Variants in OTUD7B observed in about 807,000 individuals in gnomAD.
The protein encoded by OTUD7B is OTU domain-containing protein 7B.
OTUD7B carries 34 observed loss-of-function variants against 82.2 expected under a neutral mutation model. That is an observed-to-expected ratio of 0.41 (90% CI 0.31 to 0.55). The LOEUF (loss-of-function observed/expected upper bound fraction) is 0.55, where lower values mean the gene tolerates loss of function less well. OTUD7B is among the 20% of genes least tolerant of loss of function. The probability of loss-of-function intolerance (pLI) is 0.20; values close to 1 mark genes in which losing one functional copy is unlikely to be tolerated. For synonymous variants in OTUD7B, 398 were observed against 402.7 expected (o/e 0.99, Z 0.14); for missense variants, 944 against 1,062.1 (o/e 0.89, Z 1.55).
intron 9 of OTUD7B, among the ~76,000 whole-genome samples, 193 bp from the exon 10 acceptor site, chr1:149,949,276 A>G (rs1553772799): frequency 6.6e-6 from 1 of 152,220 alleles, no homozygotes; most frequent in East Asian, 1.9e-4. Context: ...TTTAGGCCAC[A>G]AATCTCCCTG....
intron 1 of OTUD7B, among the ~76,000 whole-genome samples, chr1:149,981,621 C>A (rs1650737221): frequency 6.6e-6 from 1 of 152,034 alleles, no homozygotes; most frequent in Admixed American, 6.6e-5. Flanking sequence ...CAAACAGTGG[C>A]CTTATTTTAC....
At chr1:149,948,920 T>C in intron 10 of OTUD7B, 49 bp downstream of exon 10, 1 of 1,223,304 alleles carries the variant, frequency 8.2e-7, no homozygotes, top group South Asian at 1.2e-5. Context: ...ATGCCACATG[T>C]GGAAGAAATC....
chr1:150,004,184 T>C (rs1293709867), intron 1 of OTUD7B, among the ~76,000 whole-genome samples: 1 of 152,114 alleles, frequency 6.6e-6, no homozygotes, highest in East Asian at 1.9e-4. Context: ...ACACCCCCAG[T>C]GTCAATCTCC....
At chr1:150,004,842 T>C (rs1461697946) in intron 1 of OTUD7B, among the ~76,000 whole-genome samples, 1 of 152,084 alleles carries the variant, frequency 6.6e-6, no homozygotes, top group African/African-American at 2.4e-5. Flanking sequence ...TTGTACCTAA[T>C]ACAATAACAC....
chr1:150,018,853 T>C, the OTUD7B span, among the ~76,000 whole-genome samples: 3 of 152,166 alleles, frequency 2.0e-5, no homozygotes, highest in African/African-American at 7.2e-5. Context: ...CCTACAAGAC[T>C]TTCCTTTCCT....
At chr1:149,988,572 G>T (rs1651351521) in intron 1 of OTUD7B, among the ~76,000 whole-genome samples, 1 of 152,186 alleles carries the variant, frequency 6.6e-6, no homozygotes, top group Non-Finnish European at 1.5e-5. Flanking sequence ...TAATTTGGAA[G>T]ACTTGCAAAA....
chr1:150,015,290 C>CTTTTTTTTTTTTTTTTTTTT (rs60374988), upstream of OTUD7B, among the ~76,000 whole-genome samples: 33 of 128,962 alleles, frequency 2.6e-4, no homozygotes, highest in South Asian at 4.6e-4. Context: ...TTTTCTTTCT[C>CTTTTTTTTTTTTTTTTTTTT]TTTTTTTTTT....
At position 149,948,525 on chromosome 1, in the gene OTUD7B, C is replaced by G. The variant is rs1216019764; in HGVS notation, c.1238+444G>C. Among the ~76,000 whole-genome samples, 3 of 152,052 alleles carry G rather than the reference C, an allele frequency of 2.0e-5. No homozygotes were observed. In the East Asian group the frequency reaches 5.8e-4, roughly 29 times the overall value. ...TAGTTGGGATTACAGGCACGCACCA[C>G]CACGCCTGGCTAATTTTTGTATTTT... On this transcript the variant is annotated intron_variant, in intron 10 of 11. Transcript: ENST00000581312.
intron 11 of OTUD7B, among the ~76,000 whole-genome samples, chr1:149,945,762 T>C (rs1647667280): frequency 6.6e-6 from 1 of 152,114 alleles, no homozygotes; most frequent in African/African-American, 2.4e-5. Flanking sequence ...AGAAAACCTT[T>C]CTTAAAGAAT....
chr1:149,949,058 C>T lies in OTUD7B; in HGVS notation c.1149G>A (p.Glu383=). 6.2e-7 allele frequency: 1 copy of T among 1,613,008 alleles called. No individual in the cohort carries two copies. The highest frequency in any genetic ancestry group is 8.5e-7 in the Non-Finnish European group (1 of 1,178,942). The change falls in exon 10 of 12, where the codon GAG becomes GAA. Residue 383 remains glutamate (E), a synonymous_variant. Coordinates refer to ENST00000581312, the MANE Select transcript of OTUD7B (RefSeq NM_020205.4). ...EQAVIPLTDS[E]YKLLPLHFAV... ...CAAAGTGCAAGGGCAGCAGCTTATA[C>T]TCTGAATCTGTAAGTGGGATCACAG... is the stretch of plus-strand genomic sequence containing the variant.
At position 149,960,604 on chromosome 1, in the gene OTUD7B, G is replaced by A. The variant is rs140651129; in HGVS notation, c.733-808C>T. Reference sequence around the variant, plus strand: ...TCCCCATGTTGGCCAGGCTGGTCTCGAACTCCTGACCTGGTGATCTGCCTG... The same window carrying A: ...TCCCCATGTTGGCCAGGCTGGTCTCAAACTCCTGACCTGGTGATCTGCCTG... On this transcript the variant is annotated intron_variant, in intron 6 of 11. Transcript: ENST00000581312. Among the ~76,000 whole-genome samples, 8 of 151,338 alleles carry A rather than the reference G, an allele frequency of 5.3e-5. No individual in the cohort carries two copies. In the East Asian group the frequency reaches 1.6e-3, roughly 29 times the overall value.
intron 1 of OTUD7B, among the ~76,000 whole-genome samples, chr1:150,003,807 GGCTACA>G (rs1553785513): frequency 6.6e-6 from 1 of 152,002 alleles, no homozygotes; most frequent in Non-Finnish European, 1.5e-5. Flanking sequence ...TAATTCTCTT[GGCTACA>G]GCTACCACAT....
chr1:149,992,316 C>A (rs1255237194), intron 1 of OTUD7B, among the ~76,000 whole-genome samples: 4 of 152,074 alleles, frequency 2.6e-5, no homozygotes, highest in African/African-American at 9.7e-5. Flanking sequence ...TGTAAGTATT[C>A]TTCTAATGTT....
chr1:149,964,604 GT>G (rs147344496), intron 5 of OTUD7B, among the ~76,000 whole-genome samples: 2,432 of 151,842 alleles, frequency 0.016, 29 homozygotes, highest in Non-Finnish European at 0.026. Flanking sequence ...TTTTTGGTTG[GT>G]TTTTTTGAGA....
At chr1:150,033,619 C>T in the OTUD7B span, among the ~76,000 whole-genome samples, 3 of 152,176 alleles carry the variant, frequency 2.0e-5, no homozygotes, top group East Asian at 3.8e-4. Context: ...ATCTACTGCT[C>T]ATTTTACTAT....
At chr1:149,966,107 G>T (rs1553776515) in intron 4 of OTUD7B, among the ~76,000 whole-genome samples, 2 of 152,184 alleles carry the variant, frequency 1.3e-5, no homozygotes, top group African/African-American at 4.8e-5. Context: ...AGGGACACTG[G>T]CAATGACTGA....
chr1:149,953,955 G>C lies in OTUD7B; in HGVS notation c.846-3734C>G, dbSNP rs146075468. ...CTTAAGGAGATTTTGGGCTAAGACAGTGGGGTTTTCTAAATATACAATCAT... is the reference window on the plus strand; with the variant it reads ...CTTAAGGAGATTTTGGGCTAAGACACTGGGGTTTTCTAAATATACAATCAT... On this transcript the variant is annotated intron_variant, in intron 7 of 11. Transcript: ENST00000581312. Among the ~76,000 whole-genome samples the C allele has an allele frequency of 2.0e-5, 3 of 152,126 alleles. No individual in the cohort carries two copies. In the East Asian group the frequency reaches 5.8e-4, roughly 29 times the overall value.
chr1:149,995,458 A>G (rs1553783133), intron 1 of OTUD7B, among the ~76,000 whole-genome samples: 3 of 152,160 alleles, frequency 2.0e-5, no homozygotes, highest in Admixed American at 1.3e-4. Context: ...GCGTGCCTGT[A>G]ATCCCAACTA....
the OTUD7B span, among the ~76,000 whole-genome samples, chr1:150,056,741 G>T: frequency 0.013 from 1,937 of 152,088 alleles, 130 homozygotes; most frequent in Admixed American, 0.093. Context: ...GTCTATAACT[G>T]ACACAAATAA....
Sources: gnomAD v4.1 joint callset for allele counts (sites outside exome capture counted in the v4.1 genomes callset) on GRCh38, gnomAD v4.1.1 for gene constraint, MANE v1.5 for transcripts, NCBI Gene and HGNC (gene_info 2026-07-23, HGNC 2026-07-21) for gene names.